The following KIF5B variants were observed in gnomAD, a reference collection of about 807,000 sequenced individuals.
KIF5B encodes kinesin family member 5B, also known as kinesin-1 heavy chain.
KIF5B carries 49 observed loss-of-function variants against 132.8 expected under a neutral mutation model. The observed-to-expected ratio is 0.37, with a 90% CI of 0.29 to 0.47. The LOEUF (loss-of-function observed/expected upper bound fraction) is 0.47, where lower values mean the gene tolerates loss of function less well. KIF5B is among the 20% of genes least tolerant of loss of function. The probability of loss-of-function intolerance (pLI) is 1.00; values close to 1 mark genes in which losing one functional copy is unlikely to be tolerated. For synonymous variants in KIF5B, 355 were observed against 369.4 expected, an observed-to-expected ratio of 0.96 and a Z score of 0.45; for missense variants, 780 against 1,144.0, an observed-to-expected ratio of 0.68 and a Z score of 4.59.
chr10:32,052,362 T>C (rs1841704531), intron 1 of KIF5B, among the ~76,000 whole-genome samples: 1 of 152,224 alleles, frequency 6.6e-6, no homozygotes, highest in Non-Finnish European at 1.5e-5. Context: ...CACCAAATCA[T>C]TCACTTGAAA....
chr10:32,044,635 C>T (rs767631042), intron 2 of KIF5B, among the ~76,000 whole-genome samples: 5 of 151,792 alleles, frequency 3.3e-5, no homozygotes, highest in Non-Finnish European at 5.9e-5. Flanking sequence ...AAGATGGCGC[C>T]ACTGCAGTCC....
intron 9 of KIF5B, 37 bp downstream of exon 9, chr10:32,035,853 A>G (rs1411017500): frequency 6.7e-6 from 10 of 1,496,544 alleles, no homozygotes; most frequent in Admixed American, 1.8e-5. Context: ...ATAATGCCCC[A>G]TAAGGTAACA....
At chr10:32,043,863 C>T (rs1841575582) in intron 2 of KIF5B, among the ~76,000 whole-genome samples, 1 of 152,186 alleles carries the variant, frequency 6.6e-6, no homozygotes, top group African/African-American at 2.4e-5. Context: ...TTACTGGCAA[C>T]TTGCTCATCA....
chr10:32,039,135 T>C (rs1028986192), intron 4 of KIF5B, among the ~76,000 whole-genome samples, 192 bp downstream of exon 4: 1 of 152,182 alleles, frequency 6.6e-6, no homozygotes, highest in African/African-American at 2.4e-5. Flanking sequence ...GACTTAATCA[T>C]TTACGTTAGT....
chr10:32,016,518 T>TTTTG (rs199792200), intron 24 of KIF5B, among the ~76,000 whole-genome samples: 17 of 151,808 alleles, frequency 1.1e-4, no homozygotes, highest in Admixed American at 3.9e-4. Context: ...CTGCACCAAT[T>TTTTG]TTTGTTTGTT....
chr10:32,038,303 GC>G, intron 5 of KIF5B, 85 bp from the exon 6 acceptor site: 1 of 898,534 alleles, frequency 1.1e-6, no homozygotes, highest in Non-Finnish European at 1.8e-6. Context: ...TTCCTGAGCA[GC>G]CTAACAGCAA....
rs138051592 is a variant in KIF5B, at chr10:32,038,152, A to T, written c.498+11T>A. 1.8e-4 allele frequency: 271 copies of T among 1,535,466 alleles called. 1 individual carries two copies. The East Asian group carries it at 5.5e-3, about 31-fold the overall frequency. On this transcript the variant is annotated intron_variant, in intron 6 of 25. Transcript: ENST00000302418. ...ATTACAGGGTTTTCTAGACAACTGT[A>T]CTATAAATACCTTTACATAGGGAAC...
chr10:32,033,446 G>T (rs755452685), intron 12 of KIF5B, among the ~76,000 whole-genome samples: 1 of 152,150 alleles, frequency 6.6e-6, no homozygotes, highest in Non-Finnish European at 1.5e-5. Context: ...GCATGCAAGA[G>T]ATCTAGGTTA....
intron 2 of KIF5B, among the ~76,000 whole-genome samples, chr10:32,042,319 C>G (rs1841552909): frequency 6.6e-6 from 1 of 152,178 alleles, no homozygotes; most frequent in South Asian, 2.1e-4. Context: ...TTAAGAGACT[C>G]CAAACATTTG....
At chr10:32,030,388 C>T (rs1337267619) in intron 14 of KIF5B, among the ~76,000 whole-genome samples, 10 of 152,050 alleles carry the variant, frequency 6.6e-5, no homozygotes, top group African/African-American at 2.2e-4. Flanking sequence ...TGGTGGCGGG[C>T]GCCTGTAATC....
chr10:32,033,838 T>C lies in KIF5B; in HGVS notation c.1305+7A>G, dbSNP rs374909298. On this transcript the variant is annotated splice_region_variant and intron_variant, in intron 12 of 25. Coordinates refer to ENST00000302418, the MANE Select transcript of KIF5B (RefSeq NM_004521.3). Reference sequence around the variant, plus strand: ...TATAAAGCAGACCTAAATCAAGCAATACCTACCTTGTCATCAAGCTGTTTG... The same window carrying C: ...TATAAAGCAGACCTAAATCAAGCAACACCTACCTTGTCATCAAGCTGTTTG... The C allele has an allele frequency of 4.4e-6, 7 of 1,599,484 alleles. No homozygotes were observed. The highest frequency in any genetic ancestry group is 6.0e-6 in the Non-Finnish European group (7 of 1,168,118).
At position 32,022,991 on chromosome 10, in the gene KIF5B, T is replaced by G. The variant is rs777419985; in HGVS notation, c.1771A>C (p.Arg591=). 1.9e-6 allele frequency: 3 copies of G among 1,611,904 alleles called. No homozygotes were observed. Among genetic ancestry groups the G allele is most frequent in the South Asian group, 2.2e-5 (2 of 90,750 alleles). Residue 591 remains arginine, a synonymous_variant, in exon 16 of 26, where the codon AGA becomes CGA. Coordinates refer to ENST00000302418, the MANE Select transcript of KIF5B (RefSeq NM_004521.3). The stretch of plus-strand genomic sequence containing the variant: ...GACTTCATTTTGCTAATGTAGAGTC[T>G]TGCAACAGTGAACTCTTCATCTATC... ...GMIDEEFTVA[R]LYISKMKSEV... is the part of the protein sequence containing the mutation.
At position 32,023,022 on chromosome 10, in the gene KIF5B, A is replaced by T; in HGVS notation, c.1740T>A (p.Thr580=). 1 of 1,583,528 alleles carries T rather than the reference A, an allele frequency of 6.3e-7. No individual in the cohort carries two copies. The highest frequency in any genetic ancestry group is 8.6e-7 in the Non-Finnish European group (1 of 1,162,368). ...CAGTGAACTCTTCATCTATCATGCC[A>T]GTTCCCTCAGGCTGCTGTAAGGAAA... is the stretch of plus-strand genomic sequence containing the variant. ...GNNDVKQPEG[T]GMIDEEFTVA... Residue 580 remains threonine, a synonymous_variant, in exon 16 of 26, where the codon ACT becomes ACA. Transcript: ENST00000302418.
intron 12 of KIF5B, among the ~76,000 whole-genome samples, chr10:32,033,340 G>A (rs934678683): frequency 1.3e-5 from 2 of 152,208 alleles, no homozygotes; most frequent in African/African-American, 2.4e-5. Flanking sequence ...AAGCACAGCA[G>A]GAGGTGAGCA....
At chr10:32,030,041 C>A (rs1165379553) in intron 14 of KIF5B, among the ~76,000 whole-genome samples, 4 of 152,310 alleles carry the variant, frequency 2.6e-5, no homozygotes, top group Non-Finnish European at 5.9e-5. Context: ...AAGTGGTGGA[C>A]ATGGGTCCTG....
At chr10:32,025,761 G>A (rs1841326203) in intron 15 of KIF5B, among the ~76,000 whole-genome samples, 1 of 152,092 alleles carries the variant, frequency 6.6e-6, no homozygotes, top group South Asian at 2.1e-4. Flanking sequence ...ACAAACCATG[G>A]TACATTCATA....
In KIF5B at chr10:32,033,998, T is replaced by G; in HGVS notation, c.1152A>C (p.Lys384Asn). ...VPIDEQFDKEKANLEAFTVDK... is the reference protein window; with the variant it reads ...VPIDEQFDKENANLEAFTVDK... ...CCACTGTGAAAGCTTCCAAGTTGGC[T>G]TTCTCTTTGTCAAACTGTTCATCAA... Residue 384 changes from lysine to asparagine, a missense_variant, in exon 12 of 26, where the codon AAA (lysine) becomes AAC (asparagine). Lys to Asn is a moderately conservative substitution (Grantham distance 94). This residue lies in a region of KIF5B where 471 missense variants were observed against 569.9 expected (regional missense o/e 0.83). Transcript: ENST00000302418. The G allele has an allele frequency of 6.2e-7, 1 of 1,601,772 alleles. No individual in the cohort carries two copies. The highest frequency in any genetic ancestry group is 8.5e-7 in the Non-Finnish European group (1 of 1,174,964).
chr10:32,033,714 T>A (rs1213638406), intron 12 of KIF5B, 131 bp downstream of exon 12: 1 of 578,526 alleles, frequency 1.7e-6, no homozygotes, highest in African/African-American at 2.0e-5. Context: ...TTTACAAGAT[T>A]AACAGAAATC....
chr10:32,040,509 C>A, intron 2 of KIF5B, 52 bp from the exon 3 acceptor site: 1 of 1,019,112 alleles, frequency 9.8e-7, no homozygotes, highest in Non-Finnish European at 1.6e-6. Context: ...AGCAAGATTC[C>A]TAAGAAATTA....
Sources: gnomAD v4.1 joint callset for allele counts (sites outside exome capture counted in the v4.1 genomes callset) on GRCh38, gnomAD v4.1.1 for gene constraint, gnomAD v4.1.1 regional missense constraint, MANE v1.5 for transcripts, NCBI Gene and HGNC (gene_info 2026-07-23, HGNC 2026-07-21) for gene names.